Variants in LEMD3 observed in about 807,000 individuals in gnomAD.
The protein encoded by LEMD3 is inner nuclear membrane protein Man1.
LEMD3 carries 33 observed loss-of-function variants against 95.2 expected under a neutral mutation model. The ratio of observed to expected loss-of-function variants is 0.35; its 90% CI spans 0.26 to 0.46. The LOEUF is 0.46. Among genes scored for constraint, LEMD3 ranks in the 20% least tolerant of loss-of-function variants. The pLI, the probability that LEMD3 is intolerant of heterozygous loss-of-function variation, is 1.00. For synonymous variants in LEMD3, 525 were observed against 474.6 expected (o/e 1.11, Z -1.38); for missense variants, 1,210 against 1,192.8 (o/e 1.01, Z -0.21).
chr12:65,190,074 A>G (rs1869190126), intron 1 of LEMD3, among the ~76,000 whole-genome samples: 1 of 152,174 alleles, frequency 6.6e-6, no homozygotes, highest in African/African-American at 2.4e-5. Context: ...AAAACTGGCC[A>G]TATCCAGCTC....
At chr12:65,193,575 C>T (rs181919716) in intron 1 of LEMD3, among the ~76,000 whole-genome samples, 11 of 152,172 alleles carry the variant, frequency 7.2e-5, no homozygotes, top group South Asian at 4.1e-4. Context: ...CCCACTCGCC[C>T]GACTCCTGAC....
chr12:65,238,404 TA>T, intron 4 of LEMD3, 97 bp from the exon 5 acceptor site: 1 of 749,264 alleles, frequency 1.3e-6, no homozygotes, highest in African/African-American at 1.8e-5. Context: ...GTTATGTAGT[TA>T]AAATAAAAAT....
intron 4 of LEMD3, among the ~76,000 whole-genome samples, chr12:65,233,509 G>A (rs1389664192): frequency 6.6e-6 from 1 of 152,142 alleles, no homozygotes; most frequent in Non-Finnish European, 1.5e-5. Context: ...ACTGAATCAG[G>A]AGTTACATCC....
chr12:65,182,198 T>C (rs1370130023), intron 1 of LEMD3, among the ~76,000 whole-genome samples: 2 of 152,168 alleles, frequency 1.3e-5, no homozygotes, highest in Admixed American at 6.6e-5. Context: ...TTTTATACTT[T>C]ATCTTATCGT....
At position 65,212,410 on chromosome 12, in the gene LEMD3, G is replaced by A. The variant is rs181918859; in HGVS notation, c.1560+1447G>A. ...GAAGAGTCCGGGCGTGGTGGCAGGC[G>A]CCTGTAGTCCCAGCTACTCGGGAGG... On this transcript the variant is annotated intron_variant, in intron 2 of 12. Transcript: ENST00000308330. 2.3e-4 allele frequency among the ~76,000 whole-genome samples: 35 copies of A among 152,078 alleles called. No individual in the cohort carries two copies. In the East Asian group the frequency reaches 4.4e-3, roughly 19 times the overall value.
intron 2 of LEMD3, among the ~76,000 whole-genome samples, chr12:65,215,644 A>G (rs902539249): frequency 2.0e-5 from 3 of 152,172 alleles, no homozygotes. Flanking sequence ...TCATATGAAC[A>G]GTTTACATAA....
intron 1 of LEMD3, among the ~76,000 whole-genome samples, chr12:65,193,914 T>C (rs1342459819): frequency 1.3e-5 from 2 of 152,146 alleles, no homozygotes; most frequent in Non-Finnish European, 2.9e-5. Context: ...CTTAAACATC[T>C]AGTAAAGATA....
At chr12:65,219,426 G>A (rs1328703953) in intron 4 of LEMD3, among the ~76,000 whole-genome samples, 3 of 152,072 alleles carry the variant, frequency 2.0e-5, no homozygotes, top group Non-Finnish European at 4.4e-5. Context: ...GCTTGTTGTC[G>A]GTCCAGTTCC....
At chr12:65,217,370 A>G (rs1163650529) in intron 3 of LEMD3, among the ~76,000 whole-genome samples, 4 of 152,200 alleles carry the variant, frequency 2.6e-5, no homozygotes, top group African/African-American at 9.6e-5. Context: ...CCTCTGCTCT[A>G]AATCTATGGG....
intron 8 of LEMD3, chr12:65,240,542 T>C (rs951383842): frequency 6.4e-5 from 27 of 423,072 alleles, no homozygotes; most frequent in African/African-American, 5.2e-4. Context: ...TGACAGCCAG[T>C]GGCTGGTGTT....
In LEMD3 at chr12:65,246,486, G is replaced by A. The variant is rs1871110984; in HGVS notation, c.*161G>A. ...TAAGGTTCCAAAGGGATTTAGCAGTGAGGCAGCAATGCTGAGTAGGTAGGA... is the reference window on the plus strand; with the variant it reads ...TAAGGTTCCAAAGGGATTTAGCAGTAAGGCAGCAATGCTGAGTAGGTAGGA... On this transcript the variant is annotated 3_prime_UTR_variant, in exon 13 of 13. Transcript: ENST00000308330. 5 of 662,950 alleles carry A rather than the reference G, an allele frequency of 7.5e-6. No individual in the cohort carries two copies. In the South Asian group the frequency reaches 8.9e-5, roughly 12 times the overall value. 41.1% of individuals were successfully genotyped at this position (662,950 alleles called of 1,614,324 possible).
intron 1 of LEMD3, among the ~76,000 whole-genome samples, chr12:65,202,895 TC>T (rs1216667015): frequency 6.6e-6 from 1 of 152,126 alleles, no homozygotes; most frequent in Non-Finnish European, 1.5e-5. Flanking sequence ...CATAGTAATG[TC>T]CCCTTTTATT....
At chr12:65,181,879 C>T (rs562178793) in intron 1 of LEMD3, among the ~76,000 whole-genome samples, 24 of 150,986 alleles carry the variant, frequency 1.6e-4, no homozygotes, top group Admixed American at 4.0e-4. Flanking sequence ...TATTCTTATC[C>T]TTTTGACAGA....
rs375580551 is a variant in LEMD3, at chr12:65,170,571, C to T, written c.975C>T (p.Ala325=). ...CGATGAATGACAGGGCGGCGGCTGC[C>T]GGGAGTCTAGACAGGAGCCGAAACC... ...GLAMNDRAAA[A]GSLDRSRNLE... is the part of the protein sequence containing the mutation. The change falls in exon 1 of 13, where the codon GCC becomes GCT. Residue 325 remains alanine (A), a synonymous_variant. Transcript: ENST00000308330. The T allele has an allele frequency of 9.9e-6, 16 of 1,613,780 alleles. No individual in the cohort carries two copies. The African/African-American group carries it at 2.0e-4, about 20-fold the overall frequency.
chr12:65,187,172 A>G (rs942515767), intron 1 of LEMD3, among the ~76,000 whole-genome samples: 37 of 152,148 alleles, frequency 2.4e-4, no homozygotes, highest in African/African-American at 6.5e-4. Context: ...GCCATTAGCT[A>G]CTTTAGGCAA....
intron 1 of LEMD3, among the ~76,000 whole-genome samples, chr12:65,194,669 C>A (rs943720350): frequency 2.0e-5 from 3 of 151,880 alleles, no homozygotes; most frequent in Non-Finnish European, 4.4e-5. Context: ...ATCTTGTGAT[C>A]GCCAGGATAA....
At chr12:65,218,666 T>A in intron 4 of LEMD3, 47 bp downstream of exon 4, 1 of 1,037,738 alleles carries the variant, frequency 9.6e-7, no homozygotes, top group Non-Finnish European at 1.5e-6. Flanking sequence ...TAAAAAATTA[T>A]ATAAATCATT....
At chr12:65,198,320 T>C (rs1471019425) in intron 1 of LEMD3, among the ~76,000 whole-genome samples, 1 of 152,168 alleles carries the variant, frequency 6.6e-6, no homozygotes, top group Non-Finnish European at 1.5e-5. Flanking sequence ...ACAGATGCTT[T>C]GTATTATTTA....
chr12:65,194,372 G>A (rs1319540092), intron 1 of LEMD3, among the ~76,000 whole-genome samples: 2 of 151,930 alleles, frequency 1.3e-5, no homozygotes, highest in Admixed American at 6.6e-5. Flanking sequence ...ATTACTTCTC[G>A]TATCCACCTC....
Sources: allele counts gnomAD v4.1 joint callset (sites outside exome capture counted in the v4.1 genomes callset), GRCh38; gene constraint gnomAD v4.1.1; transcripts MANE v1.5; gene names NCBI Gene and HGNC (gene_info 2026-07-23, HGNC 2026-07-21).